The following INPP5F variants were observed in gnomAD, a reference collection of about 807,000 sequenced individuals.
INPP5F encodes inositol polyphosphate-5-phosphatase F.
In INPP5F, 97 loss-of-function variants were observed where a neutral mutation model predicts 137.2. The observed-to-expected ratio is 0.71, with a 90% CI of 0.60 to 0.84. The LOEUF is 0.84. INPP5F is among the 40% of genes least tolerant of loss of function. INPP5F has a pLI of 0.00. For synonymous variants in INPP5F, 504 were observed against 476.9 expected, an observed-to-expected ratio of 1.06 and a Z score of -0.74; for missense variants, 1,271 against 1,371.9, an observed-to-expected ratio of 0.93 and a Z score of 1.16.
chr10:119,800,180 T>C (rs955700422), intron 9 of INPP5F, among the ~76,000 whole-genome samples: 1 of 151,986 alleles, frequency 6.6e-6, no homozygotes, highest in African/African-American at 2.4e-5. Context: ...CACAAGAGAA[T>C]GGAAAGGCAG....
At chr10:119,754,205 A>G (rs1423657641) in intron 2 of INPP5F, among the ~76,000 whole-genome samples, 1 of 152,224 alleles carries the variant, frequency 6.6e-6, no homozygotes, top group Non-Finnish European at 1.5e-5. Flanking sequence ...CGTAGATCAG[A>G]CCGTGCTCCA....
intron 15 of INPP5F, chr10:119,818,890 CGTT>C (rs1307301034): frequency 6.6e-6 from 1 of 152,312 alleles, no homozygotes; most frequent in Admixed American, 6.5e-5. Context: ...AGTCTGAGGG[CGTT>C]GTGGCTATGA....
At chr10:119,825,533 A>G (rs147685925) in intron 19 of INPP5F, among the ~76,000 whole-genome samples, 5,011 of 152,274 alleles carry the variant, frequency 0.033, 110 homozygotes, top group South Asian at 0.053. Context: ...CCCTGCAAGG[A>G]TTTTGCCATC....
In INPP5F at chr10:119,789,871, G is replaced by A. The variant is rs116073495; in HGVS notation, c.316-1646G>A. Among the ~76,000 whole-genome samples, 617 of 151,876 alleles carry A rather than the reference G, an allele frequency of 4.1e-3. 5 individuals carry two copies. Among genetic ancestry groups the A allele is most frequent in the African/African-American group, 0.014 (584 of 41,426 alleles). ...AGGCTGGAAAGGAACTGCTCAAAGC[G>A]GCAGAGGAGGAGTGACCAGTAGGAA... On this transcript the variant is annotated intron_variant, in intron 3 of 19. Coordinates refer to ENST00000650623, the MANE Select transcript of INPP5F (RefSeq NM_014937.4).
rs949925103 is a variant in INPP5F, at chr10:119,791,960, G to C, written c.536G>C (p.Ser179Thr). 6.2e-7 allele frequency: 1 copy of C among 1,614,076 alleles called. No homozygotes were observed. The highest frequency in any genetic ancestry group is 1.3e-5 in the African/African-American group (1 of 74,934). The change falls in exon 5 of 20, where the codon AGC (serine) becomes ACC (threonine). Residue 179 changes from serine to threonine, a missense_variant. By Grantham distance (58) the Ser-to-Thr change is moderately conservative. Around this residue, in one of 6 missense-constraint regions of INPP5F, gnomAD observed 11 missense variants for 33.9 expected, o/e 0.32. Coordinates refer to ENST00000650623, the MANE Select transcript of INPP5F (RefSeq NM_014937.4). ...MFMDSESFYY[S>T]LTYDLTNSVQ... ...ATGGACTCAGAATCCTTTTATTATA[G>C]CTTGACCTATGACCTGACCAATTCC...
At position 119,807,782 on chromosome 10, in the gene INPP5F, T is replaced by C. The variant is rs74157693; in HGVS notation, c.1441-150T>C. The C allele has an allele frequency of 6.3e-3, 3,954 of 622,966 alleles. 106 individuals carry two copies. The highest frequency in any genetic ancestry group is 0.06 in the African/African-American group (3,231 of 54,298). 38.6% of individuals were successfully genotyped at this position (622,966 alleles called of 1,614,324 possible). A position where few individuals can be genotyped will look rare whatever the true frequency, so the allele number is the denominator to read the frequency against. Reference sequence around the variant, plus strand: ...ATTTATAAAGCCATCTTTCAAGCACTACTTTATTAAAAATGAGTCTGAAAA... The same window carrying C: ...ATTTATAAAGCCATCTTTCAAGCACCACTTTATTAAAAATGAGTCTGAAAA... On this transcript the variant is annotated intron_variant, in intron 12 of 19. Transcript: ENST00000650623.
chr10:119,823,273 G>T lies in INPP5F; in HGVS notation c.2161+74G>T. On this transcript the variant is annotated intron_variant, in intron 18 of 19. Coordinates refer to ENST00000650623, the MANE Select transcript of INPP5F (RefSeq NM_014937.4). The stretch of plus-strand genomic sequence containing the variant: ...TCTTAAAAGCCCAAATGGAATTGGG[G>T]ACATTTCATATCATAACCAACTGAA... 4 of 1,425,356 alleles carry T rather than the reference G, an allele frequency of 2.8e-6. No homozygotes were observed. The South Asian group carries it at 5.0e-5, about 18-fold the overall frequency. The allele number at this position is 1,425,356 out of a possible 1,614,324, so 88.3% of individuals were successfully genotyped here. A position where few individuals can be genotyped will look rare whatever the true frequency, so the allele number is the denominator to read the frequency against.
At chr10:119,749,854 C>G (rs1848642105) in intron 1 of INPP5F, among the ~76,000 whole-genome samples, 1 of 152,314 alleles carries the variant, frequency 6.6e-6, no homozygotes, top group Admixed American at 6.5e-5. Context: ...TCTTGGCTCG[C>G]TGCAACCTTC....
At chr10:119,824,778 A>G (rs1475201793) in intron 19 of INPP5F, among the ~76,000 whole-genome samples, 2 of 152,084 alleles carry the variant, frequency 1.3e-5, no homozygotes, top group Non-Finnish European at 2.9e-5. Context: ...TCTAATTTTC[A>G]TTCCTTCTAC....
intron 2 of INPP5F, among the ~76,000 whole-genome samples, chr10:119,755,915 T>C (rs950235446): frequency 1.3e-5 from 2 of 152,150 alleles, no homozygotes; most frequent in East Asian, 1.9e-4. Context: ...CCTAGCACTT[T>C]GGGAGGCTGA....
intron 8 of INPP5F, 66 bp downstream of exon 8, chr10:119,797,706 T>G: frequency 7.9e-7 from 1 of 1,273,790 alleles, no homozygotes; most frequent in Non-Finnish European, 1.1e-6. Flanking sequence ...AAGAAATTAG[T>G]TACCTGTTAG....
At chr10:119,819,513 G>A in intron 15 of INPP5F, 1 of 1,603,832 alleles carries the variant, frequency 6.2e-7, no homozygotes, top group Non-Finnish European at 8.5e-7. Flanking sequence ...TTATGGCTTG[G>A]CTCAAGCAAC....
rs1489068295 is a variant in INPP5F at position 119,827,110 on chromosome 10, G to A, written c.2729G>A (p.Ser910Asn). ...RLGSRSQSLS[S>N]TDSSVHAPSE... ...GGCAGTCGGTCCCAGTCTCTTAGCA[G>A]CACAGATAGTAGCGTTCATGCTCCT... The change falls in exon 20 of 20, where the codon AGC becomes AAC. Residue 910 changes from serine to asparagine, a missense_variant. Ser to Asn is a conservative substitution (Grantham distance 46, BLOSUM62 1). Around this residue, in one of 6 missense-constraint regions of INPP5F, gnomAD observed 490 missense variants for 443.7 expected, o/e 1.10. Coordinates refer to ENST00000650623, the MANE Select transcript of INPP5F (RefSeq NM_014937.4). The A allele has an allele frequency of 1.9e-6, 3 of 1,614,070 alleles. No homozygotes were observed. The highest frequency in any genetic ancestry group is 2.7e-5 in the African/African-American group (2 of 74,930).
chr10:119,813,651 A>G (rs1312845369), intron 15 of INPP5F, among the ~76,000 whole-genome samples: 2 of 152,030 alleles, frequency 1.3e-5, no homozygotes, highest in African/African-American at 4.8e-5. Flanking sequence ...AACAAACAAA[A>G]AAACTCAAAA....
Position 119,754,703 on chromosome 10 carries a change from C to T in INPP5F, c.178+3547C>T, listed in dbSNP as rs144886911. Among the ~76,000 whole-genome samples, 148 of 151,974 alleles carry T rather than the reference C, an allele frequency of 9.7e-4. 1 individual carries two copies. Among genetic ancestry groups the T allele is most frequent in the African/African-American group, 3.5e-3 (144 of 41,448 alleles). The stretch of plus-strand genomic sequence containing the variant: ...TCTGGGCCCCTGCTGCTTTTCCCTC[C>T]CTCCCAACCCTCTCCATGTCACTCT... On this transcript the variant is annotated intron_variant, in intron 2 of 19. Transcript: ENST00000650623.
rs1343230533 is a variant in INPP5F at position 119,791,623 on chromosome 10, T to A, written c.422T>A (p.Val141Glu). 13 of 1,603,510 alleles carry A rather than the reference T, an allele frequency of 8.1e-6. No individual in the cohort carries two copies. The highest frequency in any genetic ancestry group is 1.3e-5 in the African/African-American group (1 of 74,700). ...LKTFTHIKSNVSAPNKKKVKE... is the reference protein window; with the variant it reads ...LKTFTHIKSNESAPNKKKVKE... ...ACCTTTACGCATATTAAATCCAATG[T>A]GTCTGCTCCTAATAAAAAGAAAGTA... The change falls in exon 4 of 20, where the codon GTG becomes GAG. Residue 141 changes from valine (V) to glutamate (E), a missense_variant. By Grantham distance (121) the Val-to-Glu change is moderately radical. Coordinates refer to ENST00000650623, the MANE Select transcript of INPP5F (RefSeq NM_014937.4).
At chr10:119,762,970 C>T (rs1039876000) in intron 2 of INPP5F, among the ~76,000 whole-genome samples, 3 of 152,194 alleles carry the variant, frequency 2.0e-5, no homozygotes, top group African/African-American at 7.2e-5. Context: ...TCATCTAACT[C>T]AGATGTGGGT....
intron 2 of INPP5F, among the ~76,000 whole-genome samples, chr10:119,760,490 A>G (rs1289671979): frequency 5.3e-5 from 8 of 152,216 alleles, no homozygotes; most frequent in African/African-American, 1.9e-4. Context: ...TATTAAGGTA[A>G]AAATGACTGT....
intron 1 of INPP5F, among the ~76,000 whole-genome samples, chr10:119,739,811 T>C (rs186352172): frequency 9.9e-5 from 15 of 152,028 alleles, no homozygotes; most frequent in Admixed American, 8.5e-4. Context: ...GTAGAGACGG[T>C]GTTTTGCCAT....
Sources: gnomAD v4.1 joint callset for allele counts (sites outside exome capture counted in the v4.1 genomes callset) on GRCh38, gnomAD v4.1.1 for gene constraint, gnomAD v4.1.1 regional missense constraint, MANE v1.5 for transcripts, NCBI Gene and HGNC (gene_info 2026-07-23, HGNC 2026-07-21) for gene names.